TULP4: variants seen among roughly 807,000 people sequenced by gnomAD.
TULP4 encodes tubby-related protein 4.
TULP4 carries 16 observed loss-of-function variants against 129.0 expected under a neutral mutation model. The ratio of observed to expected loss-of-function variants is 0.12; its 90% CI spans 0.08 to 0.19. The LOEUF is 0.19. TULP4 is among the 10% of genes least tolerant of loss of function. TULP4 has a pLI of 1.00. For synonymous variants in TULP4, 998 were observed against 854.0 expected, an observed-to-expected ratio of 1.17 and a Z score of -2.94; for missense variants, 1,842 against 2,059.1, an observed-to-expected ratio of 0.89 and a Z score of 2.04.
intron 1 of TULP4, among the ~76,000 whole-genome samples, chr6:158,304,359 A>G (rs1779177759): frequency 6.6e-6 from 1 of 152,198 alleles, no homozygotes; most frequent in African/African-American, 2.4e-5. Context: ...CTAATATCCT[A>G]AAAGCAGGTA....
chr6:158,478,630 G>T (rs1779871889), intron 6 of TULP4, among the ~76,000 whole-genome samples: 1 of 152,132 alleles, frequency 6.6e-6, no homozygotes, highest in Non-Finnish European at 1.5e-5. Context: ...CCTGGGGACT[G>T]TGGCCATCAC....
At chr6:158,383,020 T>A (rs1342814131) in intron 1 of TULP4, among the ~76,000 whole-genome samples, 1 of 152,216 alleles carries the variant, frequency 6.6e-6, no homozygotes. Context: ...AGGATCAAGG[T>A]CGCAGCCAAT....
chr6:158,439,341 G>A (rs1778828340), intron 3 of TULP4, among the ~76,000 whole-genome samples: 1 of 152,054 alleles, frequency 6.6e-6, no homozygotes, highest in East Asian at 1.9e-4. Context: ...TTCCTCTGCT[G>A]TCCCTTTAAG....
intron 1 of TULP4, among the ~76,000 whole-genome samples, chr6:158,340,279 A>G (rs1326330566): frequency 6.6e-6 from 1 of 152,238 alleles, no homozygotes. Context: ...AGTAGTATAG[A>G]CATGCAAATT....
At chr6:158,425,037 G>A (rs1289383285) in intron 2 of TULP4, among the ~76,000 whole-genome samples, 1 of 150,698 alleles carries the variant, frequency 6.6e-6, no homozygotes, top group East Asian at 1.9e-4. Context: ...GCCTGTATTC[G>A]CAGCTACTCG....
intron 1 of TULP4, among the ~76,000 whole-genome samples, chr6:158,341,851 A>T (rs759092663): frequency 3.1e-4 from 47 of 152,062 alleles, no homozygotes; most frequent in Non-Finnish European, 5.4e-4. Context: ...ACTTTCTCCC[A>T]TTCTGTGAGT....
chr6:158,292,001 G>C (rs995621611), intron 1 of TULP4, among the ~76,000 whole-genome samples: 3 of 152,168 alleles, frequency 2.0e-5, no homozygotes, highest in Non-Finnish European at 4.4e-5. Context: ...AGAACTCATG[G>C]TGACTTATTT....
chr6:158,285,865 C>A (rs969349133), intron 1 of TULP4, among the ~76,000 whole-genome samples: 5 of 152,212 alleles, frequency 3.3e-5, no homozygotes, highest in African/African-American at 1.2e-4. Flanking sequence ...TTCATCCCTC[C>A]CATAGAACCC....
At chr6:158,320,974 T>C (rs1035930356) in intron 1 of TULP4, among the ~76,000 whole-genome samples, 15 of 152,240 alleles carry the variant, frequency 9.9e-5, no homozygotes, top group Non-Finnish European at 7.3e-5. Context: ...GTAAAACTTA[T>C]TGGAAGATCA....
intron 1 of TULP4, chr6:158,242,721 T>C (rs1777946635): frequency 1.9e-6 from 1 of 518,388 alleles, no homozygotes; most frequent in Non-Finnish European, 3.6e-6. Flanking sequence ...CAGTATCTTA[T>C]TGACAGGCTT....
At chr6:158,317,813 G>A (rs1324245837) in intron 1 of TULP4, among the ~76,000 whole-genome samples, 2 of 152,174 alleles carry the variant, frequency 1.3e-5, no homozygotes, top group Non-Finnish European at 2.9e-5. Context: ...ATCCTCTCCA[G>A]CACCTGTTGT....
At chr6:158,504,698 C>A (rs1436145028) in intron 13 of TULP4, among the ~76,000 whole-genome samples, 1 of 151,422 alleles carries the variant, frequency 6.6e-6, no homozygotes, top group Non-Finnish European at 1.5e-5. Flanking sequence ...ACTGTGTTGT[C>A]TAGATTGGTC....
upstream of TULP4, chr6:158,311,978 A>G (rs895334699): frequency 2.5e-6 from 1 of 396,188 alleles, no homozygotes; most frequent in Non-Finnish European, 4.4e-6. Flanking sequence ...AGTTTCAGCA[A>G]TTATTCTTAA....
At chr6:158,472,835 T>C (rs1460427260) in intron 6 of TULP4, among the ~76,000 whole-genome samples, 1 of 152,260 alleles carries the variant, frequency 6.6e-6, no homozygotes, top group Admixed American at 6.5e-5. Context: ...TAAGGAAATA[T>C]GCTCTGATTT....
chr6:158,446,652 A>G (rs769783077), intron 3 of TULP4, among the ~76,000 whole-genome samples: 7 of 152,164 alleles, frequency 4.6e-5, no homozygotes, highest in East Asian at 1.9e-4. Flanking sequence ...TTGGGCTGCT[A>G]TAATAAAATA....
chr6:158,311,546 G>A (rs1779354493), upstream of TULP4, among the ~76,000 whole-genome samples: 2 of 152,174 alleles, frequency 1.3e-5, no homozygotes, highest in South Asian at 2.1e-4. Flanking sequence ...GCTTTGCTCC[G>A]AGACCTGCCA....
At chr6:158,271,576 C>T (rs1266473010) in intron 1 of TULP4, among the ~76,000 whole-genome samples, 8 of 151,646 alleles carry the variant, frequency 5.3e-5, no homozygotes, top group African/African-American at 9.7e-5. Flanking sequence ...GGGCTACAGG[C>T]GGGTCACCAC....
intron 2 of TULP4, among the ~76,000 whole-genome samples, chr6:158,417,517 A>G (rs1043797183): frequency 6.6e-6 from 1 of 152,170 alleles, no homozygotes; most frequent in Non-Finnish European, 1.5e-5. Flanking sequence ...CCACTGAGCA[A>G]CTGTCATCAT....
At chr6:158,375,541 G>A (rs930308281) in intron 1 of TULP4, among the ~76,000 whole-genome samples, 1 of 152,150 alleles carries the variant, frequency 6.6e-6, no homozygotes, top group Non-Finnish European at 1.5e-5. Flanking sequence ...TTTCCTCTGG[G>A]GATGGAAGAA....
Sources: gnomAD v4.1 joint callset for allele counts (sites outside exome capture counted in the v4.1 genomes callset) on GRCh38, gnomAD v4.1.1 for gene constraint, MANE v1.5 for transcripts, NCBI Gene and HGNC (gene_info 2026-07-23, HGNC 2026-07-21) for gene names.